CS: variants seen among roughly 807,000 people sequenced by gnomAD.
CS encodes the protein citrate synthase.
In CS, 13 loss-of-function variants were observed where a neutral mutation model predicts 61.4. The ratio of observed to expected loss-of-function variants is 0.21; its 90% CI spans 0.14 to 0.34. The LOEUF is 0.34. CS is among the 10% of genes least tolerant of loss of function. The pLI is 1.00. For missense variants in CS, 278 were observed against 573.4 expected (o/e 0.48, Z 5.26); for synonymous variants, 159 against 215.2 (o/e 0.74, Z 2.29).
chr12:56,300,224 G>T lies in CS; in HGVS notation c.-23C>A. 3.9e-6 allele frequency: 6 copies of T among 1,554,980 alleles called. No homozygotes were observed. Among genetic ancestry groups the T allele is most frequent in the Non-Finnish European group, 5.2e-6 (6 of 1,151,598 alleles). ...CATGGCGGGCGATCTCCGGGATCTGGTGGGGAGGTAAGAAAGGGAGAGAGC... is the reference window on the plus strand; with the variant it reads ...CATGGCGGGCGATCTCCGGGATCTGTTGGGGAGGTAAGAAAGGGAGAGAGC... On this transcript the variant is annotated 5_prime_UTR_variant, in exon 1 of 11. Transcript: ENST00000351328.
At chr12:56,282,212 A>G (rs1872796734) in intron 6 of CS, 2 of 437,450 alleles carry the variant, frequency 4.6e-6, no homozygotes, top group Non-Finnish European at 8.0e-6. Flanking sequence ...CTAACCAAAC[A>G]AACAGTCCTG....
intron 1 of CS, among the ~76,000 whole-genome samples, chr12:56,290,332 C>T (rs556845854): frequency 6.6e-6 from 1 of 152,160 alleles, no homozygotes; most frequent in Non-Finnish European, 1.5e-5. Flanking sequence ...CTGCCTCAGC[C>T]TCCTGAGTAG....
At chr12:56,293,053 G>A (rs901776318) in intron 1 of CS, among the ~76,000 whole-genome samples, 1 of 152,186 alleles carries the variant, frequency 6.6e-6, no homozygotes, top group Non-Finnish European at 1.5e-5. Flanking sequence ...GCTGCAGTGA[G>A]CTGAGATTGT....
At chr12:56,278,275 C>T (rs1013285436) in intron 6 of CS, among the ~76,000 whole-genome samples, 4 of 152,082 alleles carry the variant, frequency 2.6e-5, no homozygotes, top group African/African-American at 4.8e-5. Flanking sequence ...GGATTACAGG[C>T]GTGCGCCACC....
At chr12:56,291,368 C>G in intron 1 of CS, 3 of 731,220 alleles carry the variant, frequency 4.1e-6, no homozygotes, top group Non-Finnish European at 5.1e-6. Flanking sequence ...TTTTTTTTAA[C>G]AGGCATCAAG....
intron 1 of CS, chr12:56,291,240 T>G (rs1592412919): frequency 1.7e-6 from 2 of 1,149,256 alleles, no homozygotes; most frequent in East Asian, 1.8e-4. Context: ...CAGAACTTCC[T>G]GGGAGTTGGA....
chr12:56,280,716 A>AAAAT (rs986607563), intron 6 of CS, among the ~76,000 whole-genome samples: 5 of 152,166 alleles, frequency 3.3e-5, no homozygotes, highest in African/African-American at 7.2e-5. Context: ...CCATCTCAAA[A>AAAAT]AAATAAATAA....
In CS at chr12:56,293,795, T is replaced by A. The variant is rs76463023; in HGVS notation, c.42+6365A>T. Among the ~76,000 whole-genome samples the A allele has an allele frequency of 5.6e-3, 860 of 152,332 alleles. 9 individuals carry two copies. Among genetic ancestry groups the A allele is most frequent in the Middle Eastern group, 0.017 (5 of 294 alleles). On this transcript the variant is annotated intron_variant, in intron 1 of 10. Transcript: ENST00000351328. ...GCTCCTGATTTTAACAGGGACTTCG[T>A]CCTTCATCAACAAAAGATCAGAGCT...
intron 9 of CS, 133 bp downstream of exon 9, chr12:56,274,644 A>C: frequency 2.8e-6 from 2 of 707,426 alleles, no homozygotes; most frequent in Admixed American, 3.5e-5. Flanking sequence ...TTCTTTTCTA[A>C]ATTCTTCAAG....
intron 2 of CS, 79 bp downstream of exon 2, chr12:56,286,516 G>T: frequency 8.3e-7 from 1 of 1,210,568 alleles, no homozygotes; most frequent in Non-Finnish European, 1.2e-6. Context: ...TAAGAGGCCA[G>T]GTGGTTGCCA....
chr12:56,276,490 T>C (rs1329845412), intron 6 of CS, among the ~76,000 whole-genome samples: 1 of 152,242 alleles, frequency 6.6e-6, no homozygotes, highest in Admixed American at 6.5e-5. Flanking sequence ...ATTTTAAAGA[T>C]GAGTAAACTA....
At chr12:56,296,994 T>A (rs951398581) in intron 1 of CS, among the ~76,000 whole-genome samples, 3 of 152,210 alleles carry the variant, frequency 2.0e-5, no homozygotes. Context: ...GTAGGACTTA[T>A]ACAGGTGATG....
chr12:56,281,302 T>C (rs1056045491), intron 6 of CS, among the ~76,000 whole-genome samples: 1 of 152,222 alleles, frequency 6.6e-6, no homozygotes, highest in Non-Finnish European at 1.5e-5. Context: ...ATGGAAGGAA[T>C]TATGTACTAT....
chr12:56,293,875 C>T (rs1376132368), intron 1 of CS, among the ~76,000 whole-genome samples: 5 of 152,196 alleles, frequency 3.3e-5, no homozygotes, highest in African/African-American at 1.2e-4. Context: ...ACACTAATAA[C>T]CAGTAGGAAA....
intron 5 of CS, 66 bp from the exon 6 acceptor site, chr12:56,282,674 C>G (rs1872809678): frequency 6.5e-7 from 1 of 1,537,168 alleles, no homozygotes; most frequent in Non-Finnish European, 8.8e-7. Flanking sequence ...TAAAAAAGGA[C>G]AGCAACATCT....
At chr12:56,297,596 C>T (rs904163215) in intron 1 of CS, among the ~76,000 whole-genome samples, 5 of 152,132 alleles carry the variant, frequency 3.3e-5, no homozygotes, top group Non-Finnish European at 7.4e-5. Context: ...CCCAGCTACT[C>T]AGGAGGCTGA....
Position 56,292,764 on chromosome 12 carries a change from C to T in CS, c.43-6119G>A, listed in dbSNP as rs887665160. Among the ~76,000 whole-genome samples the T allele has an allele frequency of 1.6e-3, 229 of 147,550 alleles. 1 individual carries two copies. Among genetic ancestry groups the T allele is most frequent in the Middle Eastern group, 0.011 (3 of 282 alleles). On this transcript the variant is annotated intron_variant, in intron 1 of 10. Coordinates refer to ENST00000351328, the MANE Select transcript of CS (RefSeq NM_004077.3). ...AAAAAAAAAAAAAAAATTAGCCGGG[C>T]GTCATGGCGGGCGCCTGTAGTCCCA...
At chr12:56,299,966 C>G in intron 1 of CS, 194 bp downstream of exon 1, 1 of 538,474 alleles carries the variant, frequency 1.9e-6, no homozygotes, top group Non-Finnish European at 3.2e-6. Context: ...GCGTGCACTT[C>G]ACCCCCAGGA....
At chr12:56,284,008 G>A (rs962961654) in intron 3 of CS, 151 bp from the exon 4 acceptor site, 2 of 637,488 alleles carry the variant, frequency 3.1e-6, no homozygotes, top group Non-Finnish European at 5.5e-6. Flanking sequence ...AGATGTCTGA[G>A]GAGTCAGCTT....
Sources: allele counts gnomAD v4.1 joint callset (sites outside exome capture counted in the v4.1 genomes callset), GRCh38; gene constraint gnomAD v4.1.1; transcripts MANE v1.5; gene names NCBI Gene and HGNC (gene_info 2026-07-23, HGNC 2026-07-21).